BTK: variants seen among roughly 807,000 people sequenced by gnomAD.
BTK encodes Bruton tyrosine kinase.
BTK carries 5 observed loss-of-function variants against 57.4 expected under a neutral mutation model. The ratio of observed to expected loss-of-function variants is 0.09; its 90% CI spans 0.05 to 0.18. The LOEUF is 0.18. Ranked by LOEUF, BTK falls within the 10% of genes least tolerant of loss-of-function variation. The pLI, the probability that BTK is intolerant of heterozygous loss-of-function variation, is 1.00. For synonymous variants in BTK, 154 were observed against 174.3 expected (o/e 0.88, Z 0.92); for missense variants, 194 against 501.2 (o/e 0.39, Z 5.85).
chrX:101,381,427 A>G (rs538478243), intron 1 of BTK, among the ~76,000 whole-genome samples: 3 of 111,858 alleles, frequency 2.7e-5, no homozygotes, highest in African/African-American at 9.7e-5. Flanking sequence ...ATTATCAACT[A>G]TCTCTAGTGG....
rs944141111 is a variant in BTK at position 101,367,564 on chromosome X, A to G, written c.391+2434T>C. Reference sequence around the variant, plus strand: ...GGTAGGAGAATCGCTTGAACTCGGGAGGCGGAGGTTGCAGTGAGCCGAGAT... The same window carrying G: ...GGTAGGAGAATCGCTTGAACTCGGGGGGCGGAGGTTGCAGTGAGCCGAGAT... On this transcript the variant is annotated intron_variant, in intron 5 of 18. Transcript: ENST00000308731. Among the ~76,000 whole-genome samples the G allele has an allele frequency of 6.4e-5, 7 of 109,637 alleles. No individual in the cohort carries two copies. In the East Asian group the frequency reaches 2.0e-3, roughly 31 times the overall value.
intron 5 of BTK, among the ~76,000 whole-genome samples, chrX:101,365,061 A>G (rs1926809325): frequency 9.0e-6 from 1 of 111,432 alleles, no homozygotes; most frequent in African/African-American, 3.3e-5. Context: ...GGAATTTTAA[A>G]ACAATAATAA....
intron 1 of BTK, among the ~76,000 whole-genome samples, chrX:101,376,655 A>C (rs892080257): frequency 9.1e-6 from 1 of 110,373 alleles, no homozygotes; most frequent in Non-Finnish European, 1.9e-5. Context: ...ACAACAACAA[A>C]AAAACACTAA....
intron 18 of BTK, among the ~76,000 whole-genome samples, chrX:101,351,229 C>T (rs782225443): frequency 5.7e-4 from 64 of 111,399 alleles, no homozygotes; most frequent in Non-Finnish European, 1.1e-3. Context: ...CTCCTGACCA[C>T]GTGATCCGCT....
At chrX:101,371,458 A>G (rs1337759558) in intron 4 of BTK, among the ~76,000 whole-genome samples, 175 bp downstream of exon 4, 2 of 111,947 alleles carry the variant, frequency 1.8e-5, no homozygotes, top group East Asian at 5.6e-4. Context: ...GATTAGGTAA[A>G]TAGAAAAGCA....
chrX:101,353,314 C>A lies in BTK; in HGVS notation c.1788G>T (p.Met596Ile). Residue 596 changes from methionine (M) to isoleucine (I), a missense_variant, in exon 18 of 19, where the codon ATG becomes ATT. Physicochemically the swap from Met to Ile is conservative, Grantham distance 10 (BLOSUM62 1). Coordinates refer to ENST00000308731, the MANE Select transcript of BTK (RefSeq NM_000061.3). Reference protein sequence around the residue: ...LMWEIYSLGKMPYERFTNSET... With the variant: ...LMWEIYSLGKIPYERFTNSET... Reference sequence around the variant, plus strand: ...CACTGTTAGTAAATCTCTCATATGGCATCTTCCCCAGGGAGTAAATTTCCC... The same window carrying A: ...CACTGTTAGTAAATCTCTCATATGGAATCTTCCCCAGGGAGTAAATTTCCC... The A allele has an allele frequency of 8.3e-7, 1 of 1,211,025 alleles. No individual in the cohort carries two copies. The highest frequency in any genetic ancestry group is 1.1e-6 in the Non-Finnish European group (1 of 895,056).
At chrX:101,354,788 G>C in intron 15 of BTK, 94 bp from the exon 16 acceptor site, 3 of 866,018 alleles carry the variant, frequency 3.5e-6, no homozygotes, top group Non-Finnish European at 5.1e-6. Context: ...AGCCAGGGAA[G>C]CTTCATCTCC....
intron 18 of BTK, among the ~76,000 whole-genome samples, chrX:101,350,717 G>A (rs1926257969): frequency 9.0e-6 from 1 of 111,304 alleles, no homozygotes; most frequent in South Asian, 3.7e-4. Context: ...AAAGTGCTGG[G>A]ATTACAGGCG....
At chrX:101,363,834 G>A (rs782529893) in intron 5 of BTK, among the ~76,000 whole-genome samples, 1 of 108,079 alleles carries the variant, frequency 9.3e-6, no homozygotes, top group South Asian at 4.0e-4. Flanking sequence ...CCAGGAACAC[G>A]CACATTTGAG....
intron 1 of BTK, among the ~76,000 whole-genome samples, chrX:101,378,506 A>C (rs781863304): frequency 5.9e-5 from 6 of 102,008 alleles, no homozygotes; most frequent in African/African-American, 2.2e-4. Flanking sequence ...AATGGAAGTG[A>C]CTTGAATGTC....
intron 12 of BTK, 102 bp downstream of exon 12, chrX:101,358,208 A>G (rs1555978110): frequency 1.8e-6 from 2 of 1,120,604 alleles, no homozygotes; most frequent in Non-Finnish European, 2.4e-6. Context: ...TTCACAGTGA[A>G]TTCACACTGT....
At chrX:101,383,379 A>C (rs1488692946) in intron 1 of BTK, among the ~76,000 whole-genome samples, 2 of 111,902 alleles carry the variant, frequency 1.8e-5, no homozygotes, top group Non-Finnish European at 3.8e-5. Context: ...AAGTATGTGC[A>C]TTTTGCATTT....
chrX:101,372,818 T>C (rs1927078433), intron 3 of BTK, among the ~76,000 whole-genome samples: 1 of 104,071 alleles, frequency 9.6e-6, no homozygotes, highest in Non-Finnish European at 2.0e-5. Flanking sequence ...GCACAGTGGC[T>C]CACGCCTGTA....
chrX:101,383,275 CA>C (rs1293259570), intron 1 of BTK, among the ~76,000 whole-genome samples: 1 of 110,713 alleles, frequency 9.0e-6, no homozygotes, highest in African/African-American at 3.3e-5. Flanking sequence ...TACCTTTTTC[CA>C]AAAAAAGATC....
At position 101,370,021 on chromosome X, in the gene BTK, C is replaced by T. The variant is rs782731222; in HGVS notation, c.368G>A (p.Arg123Gln). 5.0e-6 allele frequency: 6 copies of T among 1,208,603 alleles called. No homozygotes were observed. Among genetic ancestry groups the T allele is most frequent in the South Asian group, 1.8e-5 (1 of 56,776 alleles). The part of the protein sequence containing the change: ...VFSPTEELRK[R>Q]WIHQLKNVIR... ...ACCGTTTTTGAGCTGGTGAATCCAC[C>T]GCTTCCTTAGTTCTTCAGTTGGGGA... The change falls in exon 5 of 19, where the codon CGG becomes CAG. Residue 123 changes from arginine to glutamine, a missense_variant. Coordinates refer to ENST00000308731, the MANE Select transcript of BTK (RefSeq NM_000061.3).
At chrX:101,372,824 C>T (rs1927078879) in intron 3 of BTK, among the ~76,000 whole-genome samples, 1 of 107,135 alleles carries the variant, frequency 9.3e-6, no homozygotes, top group Non-Finnish European at 1.9e-5. Flanking sequence ...TGGCTCACGC[C>T]TGTAATCCCA....
intron 12 of BTK, 76 bp downstream of exon 12, chrX:101,358,234 C>T: frequency 8.5e-7 from 1 of 1,181,664 alleles, no homozygotes; most frequent in Non-Finnish European, 1.2e-6. Flanking sequence ...GAGGCAGATT[C>T]TTCCTCTTAT....
intron 1 of BTK, among the ~76,000 whole-genome samples, chrX:101,375,844 G>A (rs782468438): frequency 8.9e-6 from 1 of 111,916 alleles, no homozygotes; most frequent in South Asian, 3.7e-4. Context: ...TAAGGATATG[G>A]AGGCTGCACC....
intron 3 of BTK, among the ~76,000 whole-genome samples, chrX:101,373,821 C>T (rs1036981449): frequency 9.0e-6 from 1 of 111,156 alleles, no homozygotes; most frequent in African/African-American, 3.3e-5. Context: ...ACAGGCGGAT[C>T]ACTTGAGGCC....
Sources: gnomAD v4.1 joint callset for allele counts (sites outside exome capture counted in the v4.1 genomes callset) on GRCh38, gnomAD v4.1.1 for gene constraint, MANE v1.5 for transcripts, NCBI Gene and HGNC (gene_info 2026-07-23, HGNC 2026-07-21) for gene names.